VPS41: variants seen among roughly 807,000 people sequenced by gnomAD.
VPS41 encodes vacuolar protein sorting-associated protein 41 homolog.
In VPS41, 85 loss-of-function variants were observed where a neutral mutation model predicts 130.9. The ratio of observed to expected loss-of-function variants is 0.65; its 90% CI spans 0.55 to 0.78. VPS41 has a LOEUF of 0.78. VPS41 is among the 30% of genes least tolerant of loss of function. The probability of loss-of-function intolerance (pLI) is 0.00; values close to 1 mark genes in which losing one functional copy is unlikely to be tolerated. For synonymous variants in VPS41, 335 were observed against 332.9 expected, an observed-to-expected ratio of 1.01 and a Z score of -0.07; for missense variants, 874 against 1,018.7, an observed-to-expected ratio of 0.86 and a Z score of 1.93.
chr7:38,818,330 C>T (rs753797686), intron 6 of VPS41, among the ~76,000 whole-genome samples: 3 of 152,112 alleles, frequency 2.0e-5, no homozygotes, highest in African/African-American at 4.8e-5. Flanking sequence ...AGTGGCAACG[C>T]AGCCTCCCAG....
chr7:38,828,688 T>A (rs960051854), intron 5 of VPS41, among the ~76,000 whole-genome samples: 2 of 152,148 alleles, frequency 1.3e-5, no homozygotes, highest in African/African-American at 4.8e-5. Flanking sequence ...TCTACCAATG[T>A]TAATAAAAAT....
At chr7:38,773,991 G>T in intron 12 of VPS41, 124 bp downstream of exon 12, 1 of 928,760 alleles carries the variant, frequency 1.1e-6, no homozygotes, top group Non-Finnish European at 1.5e-6. Context: ...AGCACACACA[G>T]TCTACGCAGG....
At chr7:38,857,560 T>C (rs545454841) in intron 4 of VPS41, among the ~76,000 whole-genome samples, 2 of 152,324 alleles carry the variant, frequency 1.3e-5, no homozygotes, top group South Asian at 4.1e-4. Context: ...TACCCTTAAT[T>C]AACAAGTTTT....
chr7:38,878,379 A>G (rs1385701501), intron 2 of VPS41, among the ~76,000 whole-genome samples: 1 of 152,198 alleles, frequency 6.6e-6, no homozygotes, highest in Non-Finnish European at 1.5e-5. Context: ...AAAAACCTTC[A>G]AAGAATGGAA....
chr7:38,843,038 A>T (rs1202208921), intron 4 of VPS41, among the ~76,000 whole-genome samples: 7 of 152,254 alleles, frequency 4.6e-5, no homozygotes, highest in Admixed American at 4.6e-4. Flanking sequence ...ACAGGTAAAT[A>T]CATAAATAAA....
In VPS41 at chr7:38,795,596, C is replaced by A; in HGVS notation, c.586G>T (p.Asp196Tyr). Reference sequence around the variant, plus strand: ...GTGATTCTTTGCTTTGAGATGATGTCAAAAATCTTCACACCCTGGAAAATA... The same window carrying A: ...GTGATTCTTTGCTTTGAGATGATGTAAAAAATCTTCACACCCTGGAAAATA... ...WANNMGVKIF[D>Y]IISKQRITNV... Residue 196 changes from aspartate (D) to tyrosine (Y), a missense_variant, in exon 9 of 29, where the codon GAC becomes TAC. Asp to Tyr is a radical substitution (Grantham distance 160, BLOSUM62 -3). Transcript: ENST00000310301. 1 of 1,610,648 alleles carries A rather than the reference C, an allele frequency of 6.2e-7. No individual in the cohort carries two copies. Among genetic ancestry groups the A allele is most frequent in the South Asian group, 1.1e-5 (1 of 90,442 alleles).
In VPS41 at chr7:38,830,240, C is replaced by T. The variant is rs1286859999; in HGVS notation, c.321+14G>A. 1 of 1,591,692 alleles carries T rather than the reference C, an allele frequency of 6.3e-7. No individual in the cohort carries two copies. Among genetic ancestry groups the T allele is most frequent in the Non-Finnish European group, 8.6e-7 (1 of 1,159,518 alleles). ...CGCCACAGAACTCTCTGCATGACCA[C>T]ATCTTTGCCATACCTTGCCATCCTC... On this transcript the variant is annotated intron_variant, in intron 5 of 28. Coordinates refer to ENST00000310301, the MANE Select transcript of VPS41 (RefSeq NM_014396.4).
At chr7:38,777,584 T>C (rs891774894) in intron 10 of VPS41, among the ~76,000 whole-genome samples, 2 of 152,206 alleles carry the variant, frequency 1.3e-5, no homozygotes, top group South Asian at 4.1e-4. Flanking sequence ...AGAAGCTAAC[T>C]GATACAGTAG....
chr7:38,834,476 A>G (rs570435653), intron 4 of VPS41, among the ~76,000 whole-genome samples: 1 of 152,278 alleles, frequency 6.6e-6, no homozygotes, highest in Admixed American at 6.5e-5. Flanking sequence ...TAGGGGGAGC[A>G]CACACAGGTT....
At chr7:38,878,491 A>G (rs1786536383) in intron 2 of VPS41, among the ~76,000 whole-genome samples, 1 of 152,154 alleles carries the variant, frequency 6.6e-6, no homozygotes, top group African/African-American at 2.4e-5. Context: ...GTACACCAAA[A>G]ACAACAAAAA....
At chr7:38,882,353 T>C (rs1786630540) in intron 2 of VPS41, among the ~76,000 whole-genome samples, 1 of 152,208 alleles carries the variant, frequency 6.6e-6, no homozygotes, top group African/African-American at 2.4e-5. Flanking sequence ...TCTGTTTCCT[T>C]TGCTGATTTC....
intron 17 of VPS41, among the ~76,000 whole-genome samples, chr7:38,763,209 G>A (rs1783958718): frequency 6.6e-6 from 1 of 152,110 alleles, no homozygotes; most frequent in African/African-American, 2.4e-5. Flanking sequence ...ATAGCACTTA[G>A]CTCTTTTTCT....
chr7:38,890,018 T>C (rs1298766182), intron 2 of VPS41, among the ~76,000 whole-genome samples: 2 of 152,142 alleles, frequency 1.3e-5, no homozygotes, highest in African/African-American at 4.8e-5. Flanking sequence ...AAGTTATGTA[T>C]ATATATTTCA....
chr7:38,770,770 A>G lies in VPS41; in HGVS notation c.1185+428T>C, dbSNP rs149530423. Reference sequence around the variant, plus strand: ...TCTATTTTTCCTGAGTCCAAAATGTAATAAAAATGTATTTGATGCTCTAGA... The same window carrying G: ...TCTATTTTTCCTGAGTCCAAAATGTGATAAAAATGTATTTGATGCTCTAGA... On this transcript the variant is annotated intron_variant, in intron 14 of 28. Transcript: ENST00000310301. Among the ~76,000 whole-genome samples the G allele has an allele frequency of 2.3e-4, 35 of 152,336 alleles. No homozygotes were observed. In the East Asian group the frequency reaches 6.2e-3, roughly 27 times the overall value.
chr7:38,817,675 G>T, intron 7 of VPS41, 142 bp downstream of exon 7: 1 of 763,602 alleles, frequency 1.3e-6, no homozygotes, highest in Non-Finnish European at 2.3e-6. Flanking sequence ...AAGAGATGAT[G>T]ATCATCAGAT....
chr7:38,805,154 G>C (rs1485397345), intron 7 of VPS41, among the ~76,000 whole-genome samples: 2 of 152,220 alleles, frequency 1.3e-5, no homozygotes, highest in Middle Eastern at 3.2e-3. Flanking sequence ...ATATCAAAAA[G>C]AGATGCAAAA....
At chr7:38,825,993 A>T (rs1442421794) in intron 5 of VPS41, among the ~76,000 whole-genome samples, 1 of 152,186 alleles carries the variant, frequency 6.6e-6, no homozygotes, top group Admixed American at 6.5e-5. Context: ...CTTCCAAACA[A>T]CACATTAAAA....
intron 22 of VPS41, 55 bp from the exon 23 acceptor site, chr7:38,745,668 A>G (rs1014952207): frequency 1.5e-6 from 2 of 1,315,690 alleles, no homozygotes; most frequent in African/African-American, 3.0e-5. Context: ...AAGAACAAAC[A>G]GTAATAAAGT....
chr7:38,736,784 C>T (rs1467038601), intron 25 of VPS41, among the ~76,000 whole-genome samples: 3 of 152,198 alleles, frequency 2.0e-5, no homozygotes, highest in Admixed American at 6.5e-5. Flanking sequence ...AAACTGAAAG[C>T]ATGAGCACCA....
Sources: gnomAD v4.1 joint callset for allele counts (sites outside exome capture counted in the v4.1 genomes callset) on GRCh38, gnomAD v4.1.1 for gene constraint, MANE v1.5 for transcripts, NCBI Gene and HGNC (gene_info 2026-07-23, HGNC 2026-07-21) for gene names.